The following PKIB variants were observed in gnomAD, a reference collection of about 807,000 sequenced individuals.
PKIB encodes PKI-beta.
Under a neutral mutation model 4.5 loss-of-function variants are expected in PKIB, and 2 were observed. That is an observed-to-expected ratio of 0.44 (90% confidence interval 0.18 to 1.39). The LOEUF (loss-of-function observed/expected upper bound fraction) is 1.39. Ranked by LOEUF, PKIB falls within the 40% of genes most tolerant of loss-of-function variation. The pLI is 0.27. For missense variants in PKIB, 94 were observed against 92.6 expected, an observed-to-expected ratio of 1.02 and a Z score of -0.06; for synonymous variants, 38 against 36.0, an observed-to-expected ratio of 1.06 and a Z score of -0.20.
At chr6:122,577,765 C>T (rs1408006091) in intron 2 of PKIB, among the ~76,000 whole-genome samples, 3 of 151,668 alleles carry the variant, frequency 2.0e-5, no homozygotes, top group Non-Finnish European at 4.4e-5. Context: ...AAAAATTAGC[C>T]GGGCGTGGTG....
At chr6:122,607,749 C>G (rs1393619457), upstream of PKIB, among the ~76,000 whole-genome samples, 1 of 152,228 alleles carries the variant, frequency 6.6e-6, no homozygotes, top group Non-Finnish European at 1.5e-5. Flanking sequence ...TTGATATAGA[C>G]TGTTCATTGT....
chr6:122,691,422 T>A (rs12203086), intron 3 of PKIB, among the ~76,000 whole-genome samples: 37,561 of 152,028 alleles, frequency 0.25, 5,118 homozygotes, highest in East Asian at 0.43. Context: ...AGATAACTTG[T>A]CTTCAAGGTC....
chr6:122,508,755 A>AT (rs879740602), intron 2 of PKIB, among the ~76,000 whole-genome samples: 144 of 147,164 alleles, frequency 9.8e-4, no homozygotes, highest in South Asian at 1.7e-3. Flanking sequence ...GCTGATTAAA[A>AT]TTTTTTTTTT....
chr6:122,703,233 A>C (rs1342604167), intron 3 of PKIB, among the ~76,000 whole-genome samples: 1 of 152,144 alleles, frequency 6.6e-6, no homozygotes, highest in Non-Finnish European at 1.5e-5. Context: ...ATTTGTAAAA[A>C]ATTTTTATAG....
intron 2 of PKIB, chr6:122,643,730 A>G (rs981684556): frequency 6.6e-6 from 1 of 152,204 alleles, no homozygotes; most frequent in East Asian, 1.9e-4. Context: ...ATCAAATTTC[A>G]TTGGTAGGGA....
Position 122,724,981 on chromosome 6 carries a change from C to T in PKIB, c.170-147C>T. On this transcript the variant is annotated intron_variant, in intron 4 of 4. Transcript: ENST00000368452. ...GAGAAGGTAGATTCCCAAACCTACT[C>T]ATATCGCTCTTCTTTGTATAGTTTC... The T allele has an allele frequency of 4.8e-6, 3 of 622,652 alleles. No individual in the cohort carries two copies. In the African/African-American group the frequency reaches 5.5e-5, roughly 12 times the overall value. 38.6% of individuals were successfully genotyped at this position (622,652 alleles called of 1,614,324 possible). A position where few individuals can be genotyped will look rare whatever the true frequency, so the allele number is the denominator to read the frequency against.
At chr6:122,723,209 TA>T (rs1779811038) in intron 4 of PKIB, among the ~76,000 whole-genome samples, 1 of 152,202 alleles carries the variant, frequency 6.6e-6, no homozygotes, top group African/African-American at 2.4e-5. Context: ...TTCGTTGGGA[TA>T]ATGATTGTGC....
chr6:122,713,829 T>G (rs771210031), intron 3 of PKIB, among the ~76,000 whole-genome samples: 2 of 152,194 alleles, frequency 1.3e-5, no homozygotes, highest in Non-Finnish European at 2.9e-5. Flanking sequence ...CTACCTTCCG[T>G]TCCCAACTAG....
intron 2 of PKIB, chr6:122,479,912 G>C (rs1000191195): frequency 3.3e-5 from 5 of 151,854 alleles, no homozygotes; most frequent in African/African-American, 1.2e-4. Context: ...ACAGTGAAAA[G>C]GTCCAACAGA....
At chr6:122,623,183 C>A (rs1371299163) in intron 1 of PKIB, among the ~76,000 whole-genome samples, 2 of 152,116 alleles carry the variant, frequency 1.3e-5, no homozygotes, top group Non-Finnish European at 2.9e-5. Context: ...TTTGAATTTT[C>A]TTTCTGTGTA....
intron 3 of PKIB, among the ~76,000 whole-genome samples, chr6:122,694,879 G>C (rs1379820589): frequency 6.6e-6 from 1 of 152,140 alleles, no homozygotes; most frequent in East Asian, 1.9e-4. Context: ...TCCTGGATTT[G>C]ACAGTAGATG....
chr6:122,689,375 T>C (rs1778233728), intron 3 of PKIB, among the ~76,000 whole-genome samples: 1 of 152,190 alleles, frequency 6.6e-6, no homozygotes, highest in African/African-American at 2.4e-5. Context: ...GAAATTTTAT[T>C]CTTTTTTGAT....
chr6:122,620,214 C>T (rs1582745332), intron 1 of PKIB, among the ~76,000 whole-genome samples: 1 of 152,186 alleles, frequency 6.6e-6, no homozygotes, highest in African/African-American at 2.4e-5. Flanking sequence ...CCCTCCTGTT[C>T]TGAACACTCT....
At chr6:122,675,517 AG>A (rs1777636209) in intron 3 of PKIB, among the ~76,000 whole-genome samples, 1 of 152,222 alleles carries the variant, frequency 6.6e-6, no homozygotes, top group Admixed American at 6.5e-5. Flanking sequence ...TCCACAGGAA[AG>A]GGAAGAAATA....
intron 3 of PKIB, among the ~76,000 whole-genome samples, chr6:122,683,160 A>T (rs1370314586): frequency 1.3e-5 from 2 of 152,194 alleles, no homozygotes; most frequent in Non-Finnish European, 2.9e-5. Context: ...CAGAGCCTGT[A>T]TTGGGCTGTT....
At chr6:122,678,522 T>C (rs188699228) in intron 3 of PKIB, among the ~76,000 whole-genome samples, 3 of 152,312 alleles carry the variant, frequency 2.0e-5, no homozygotes, top group African/African-American at 7.2e-5. Context: ...TTTGTTTTGT[T>C]TTTTTGTGGC....
At chr6:122,589,315 T>C (rs1207405475) in intron 3 of PKIB, among the ~76,000 whole-genome samples, 1 of 152,176 alleles carries the variant, frequency 6.6e-6, no homozygotes, top group Non-Finnish European at 1.5e-5. Flanking sequence ...CAAAAACAGC[T>C]GAATTCCAGG....
intron 3 of PKIB, 46 bp from the exon 4 acceptor site, chr6:122,717,741 A>C: frequency 1.3e-6 from 2 of 1,585,850 alleles, no homozygotes; most frequent in Non-Finnish European, 1.7e-6. Flanking sequence ...GTGAACATTT[A>C]CTTCTGAATA....
In PKIB at chr6:122,704,429, G is replaced by A. The variant is rs191703967; in HGVS notation, c.-8-13358G>A. 6.9e-3 allele frequency among the ~76,000 whole-genome samples: 1,042 copies of A among 152,092 alleles called. 11 individuals carry two copies. Among genetic ancestry groups the A allele is most frequent in the African/African-American group, 0.024 (981 of 41,474 alleles). ...TTAACAGCAAAAATAGAATAATGTG[G>A]AATAATATTGTTAGGTGCTTTCATC... On this transcript the variant is annotated intron_variant, in intron 3 of 4. Coordinates refer to ENST00000368452, the MANE Select transcript of PKIB (RefSeq NM_181795.3).
Sources: allele counts gnomAD v4.1 joint callset (sites outside exome capture counted in the v4.1 genomes callset), GRCh38; gene constraint gnomAD v4.1.1; transcripts MANE v1.5; gene names NCBI Gene and HGNC (gene_info 2026-07-23, HGNC 2026-07-21).